Variants in PRKAG2 observed in about 807,000 individuals in gnomAD.
PRKAG2 encodes 5'-AMP-activated protein kinase subunit gamma-2.
Under a neutral mutation model 69.6 loss-of-function variants are expected in PRKAG2, and 26 were observed. The ratio of observed to expected loss-of-function variants is 0.37; its 90% CI spans 0.27 to 0.52. The LOEUF is 0.52. Among genes scored for constraint, PRKAG2 ranks in the 20% least tolerant of loss-of-function variants. The pLI is 0.90. For synonymous variants in PRKAG2, 293 were observed against 285.0 expected, an observed-to-expected ratio of 1.03 and a Z score of -0.28; for missense variants, 557 against 740.0, an observed-to-expected ratio of 0.75 and a Z score of 2.87.
At chr7:151,801,441 C>G (rs894840850) in intron 1 of PRKAG2, among the ~76,000 whole-genome samples, 1 of 152,192 alleles carries the variant, frequency 6.6e-6, no homozygotes, top group African/African-American at 2.4e-5. Flanking sequence ...CAATGAGGAC[C>G]AAGTACAGAG....
At chr7:151,668,528 T>C (rs1313279597) in intron 4 of PRKAG2, among the ~76,000 whole-genome samples, 2 of 152,222 alleles carry the variant, frequency 1.3e-5, no homozygotes, top group Non-Finnish European at 2.9e-5. Context: ...CTGCTACCGA[T>C]GGCTCACACC....
chr7:151,863,554 CT>C (rs541666950), intron 1 of PRKAG2, among the ~76,000 whole-genome samples: 257 of 152,286 alleles, frequency 1.7e-3, no homozygotes, highest in Non-Finnish European at 3.0e-3. Context: ...GACTCACCAG[CT>C]GAGCATAACC....
In PRKAG2 at chr7:151,814,840, C is replaced by T. The variant is rs908528153; in HGVS notation, c.115-28299G>A. 23 of 1,231,680 alleles carry T rather than the reference C, an allele frequency of 1.9e-5. No homozygotes were observed. The highest frequency in any genetic ancestry group is 8.4e-5 in the Admixed American group (2 of 23,712). The allele number at this position is 1,231,680 out of a possible 1,614,324, so 76.3% of individuals were successfully genotyped here. A position where few individuals can be genotyped will look rare whatever the true frequency, so the allele number is the denominator to read the frequency against. ...CGGGACTGCAGCAAACTGTCATTCC[C>T]ACCTGTGTCAGGCGCTGCTGGGGAG... On this transcript the variant is annotated intron_variant, in intron 1 of 15. Transcript: ENST00000287878. The surrounding 1 kb of genome is among the most constrained non-coding windows in gnomAD (Gnocchi z 4.8).
At chr7:151,618,746 CAG>C (rs1374197861) in intron 5 of PRKAG2, among the ~76,000 whole-genome samples, 1 of 152,174 alleles carries the variant, frequency 6.6e-6, no homozygotes, top group Non-Finnish European at 1.5e-5. Flanking sequence ...GCCTGGACGA[CAG>C]AGAGAGATTC....
intron 3 of PRKAG2, among the ~76,000 whole-genome samples, chr7:151,705,111 T>A (rs1021324102): frequency 6.6e-6 from 1 of 152,236 alleles, no homozygotes; most frequent in Non-Finnish European, 1.5e-5. Flanking sequence ...TTTTTCAACC[T>A]TCTGATAAAA....
At chr7:151,653,743 G>A (rs78427523) in intron 4 of PRKAG2, among the ~76,000 whole-genome samples, 8,407 of 152,244 alleles carry the variant, frequency 0.055, 404 homozygotes, top group East Asian at 0.2. Context: ...TTGGGAGGCT[G>A]AGGCAGGAGA....
At chr7:151,622,834 C>T (rs1448846004) in intron 5 of PRKAG2, among the ~76,000 whole-genome samples, 1 of 152,154 alleles carries the variant, frequency 6.6e-6, no homozygotes, top group Non-Finnish European at 1.5e-5. Flanking sequence ...AATTTTTGCT[C>T]GGTTTCTTCT....
At chr7:151,598,065 C>T (rs188107815) in intron 5 of PRKAG2, among the ~76,000 whole-genome samples, 4 of 152,178 alleles carry the variant, frequency 2.6e-5, no homozygotes, top group South Asian at 2.1e-4. Context: ...ACCTAAGTGT[C>T]GCCAAAAGAT....
intron 4 of PRKAG2, among the ~76,000 whole-genome samples, chr7:151,649,307 G>GC (rs1828079265): frequency 1.3e-5 from 2 of 152,116 alleles, no homozygotes; most frequent in Non-Finnish European, 2.9e-5. Flanking sequence ...TGTATGTTTA[G>GC]CAGAGATGGA....
intron 6 of PRKAG2, among the ~76,000 whole-genome samples, chr7:151,586,216 C>T (rs1356116668): frequency 1.3e-5 from 2 of 152,214 alleles, no homozygotes; most frequent in East Asian, 3.8e-4. Context: ...GCATCTCATC[C>T]TCTGGGACCT....
At position 151,634,944 on chromosome 7, in the gene PRKAG2, T is replaced by G. The variant is rs906361637; in HGVS notation, c.685-2806A>C. On this transcript the variant is annotated intron_variant, in intron 4 of 15. Coordinates refer to ENST00000287878, the MANE Select transcript of PRKAG2 (RefSeq NM_016203.4). Reference sequence around the variant, plus strand: ...GAATGCAAAATGGAACCACTGTTTTTTTTTTTTTTTTTCTTTTTTTTTTGA... The same window carrying G: ...GAATGCAAAATGGAACCACTGTTTTGTTTTTTTTTTTTCTTTTTTTTTTGA... Among the ~76,000 whole-genome samples, 31 of 122,212 alleles carry G rather than the reference T, an allele frequency of 2.5e-4. 1 individual carries two copies. Among genetic ancestry groups the G allele is most frequent in the African/African-American group, 4.8e-4 (16 of 33,376 alleles). The allele number at this position is 122,212 out of a possible 152,430, so 80.2% of individuals were successfully genotyped here.
intron 3 of PRKAG2, among the ~76,000 whole-genome samples, chr7:151,763,439 G>C (rs1321026136): frequency 1.3e-5 from 2 of 152,226 alleles, no homozygotes; most frequent in Non-Finnish European, 2.9e-5. Flanking sequence ...TGGGCTGGGA[G>C]AGGCAGAGGA....
At chr7:151,810,024 C>T (rs1008808657) in intron 1 of PRKAG2, 1 of 152,242 alleles carries the variant, frequency 6.6e-6, no homozygotes. Context: ...GCTTACTGGC[C>T]CCGGGTTACC....
At chr7:151,817,453 C>T (rs2078672626) in intron 1 of PRKAG2, among the ~76,000 whole-genome samples, 1 of 152,172 alleles carries the variant, frequency 6.6e-6, no homozygotes, top group African/African-American at 2.4e-5. Flanking sequence ...ACAGAACAAA[C>T]CCCACTTCTT....
intron 3 of PRKAG2, among the ~76,000 whole-genome samples, chr7:151,723,264 G>A (rs1039674547): frequency 6.6e-6 from 1 of 152,146 alleles, no homozygotes; most frequent in Non-Finnish European, 1.5e-5. Context: ...ATTTTTGGTA[G>A]TGCAGTGGAG....
At chr7:151,742,030 T>G (rs2073929598) in intron 3 of PRKAG2, among the ~76,000 whole-genome samples, 1 of 152,200 alleles carries the variant, frequency 6.6e-6, no homozygotes, top group African/African-American at 2.4e-5. Context: ...CAGGTATAAT[T>G]AACATTTCAT....
rs2076670201 is a variant in PRKAG2 at position 151,781,530 on chromosome 7, G to GC, written c.187-100dup. The GC allele has an allele frequency of 1.4e-6, 2 of 1,398,084 alleles. No individual in the cohort carries two copies. Among genetic ancestry groups the GC allele is most frequent in the Non-Finnish European group, 2.0e-6 (2 of 1,023,238 alleles). The allele number at this position is 1,398,084 out of a possible 1,614,324, so 86.6% of individuals were successfully genotyped here. On this transcript the variant is annotated intron_variant, in intron 2 of 15. Coordinates refer to ENST00000287878, the MANE Select transcript of PRKAG2 (RefSeq NM_016203.4). This position sits in a 1 kb window ranked among gnomAD's most constrained non-coding sequence, Gnocchi z 6.1. ...TATCATTGTCCTCTCTCACATGCGGGCCCCCCATAGTACCCTCCCAGAGAA... is the reference window on the plus strand; with the variant it reads ...TATCATTGTCCTCTCTCACATGCGGGCCCCCCCATAGTACCCTCCCAGAGAA...
intron 15 of PRKAG2, chr7:151,559,539 C>T (rs1584906037): frequency 1.0e-6 from 1 of 983,314 alleles, no homozygotes. Context: ...AGGACCACCT[C>T]GGAAAAATCA....
At chr7:151,736,142 T>A in intron 3 of PRKAG2, 1 of 1,461,828 alleles carries the variant, frequency 6.8e-7, no homozygotes, top group Non-Finnish European at 9.0e-7. Flanking sequence ...TGTGCTCAGG[T>A]GACAGCCCGG....
Sources: allele counts gnomAD v4.1 joint callset (sites outside exome capture counted in the v4.1 genomes callset), GRCh38; gene constraint gnomAD v4.1.1; non-coding constraint Gnocchi (gnomAD v3.1); transcripts MANE v1.5; gene names NCBI Gene and HGNC (gene_info 2026-07-23, HGNC 2026-07-21).